The following LAG3 variants were observed in gnomAD, a reference collection of about 807,000 sequenced individuals.
LAG3 encodes lymphocyte activating 3.
Under a neutral mutation model 49.0 loss-of-function variants are expected in LAG3, and 29 were observed. The observed-to-expected ratio is 0.59, with a 90% CI of 0.44 to 0.81. The LOEUF (loss-of-function observed/expected upper bound fraction) is 0.81, where lower values mean the gene tolerates loss of function less well. Ranked by LOEUF, LAG3 falls within the 30% of genes least tolerant of loss-of-function variation. The pLI is 0.00. For synonymous variants in LAG3, 320 were observed against 297.3 expected, an observed-to-expected ratio of 1.08 and a Z score of -0.79; for missense variants, 693 against 695.2, an observed-to-expected ratio of 1.00 and a Z score of 0.04.
Position 6,774,711 on chromosome 12 carries a change from C to T in LAG3, c.628C>T (p.Arg210Ter), listed in dbSNP as rs1206912596. The change falls in exon 4 of 8, where the codon CGA becomes TGA. Residue 210 changes from arginine (R) to a stop codon, truncating the protein, a stop_gained. Coordinates refer to ENST00000203629, the MANE Select transcript of LAG3 (RefSeq NM_002286.6). LOFTEE classifies it high-confidence loss of function. Reference sequence around the variant, plus strand: ...TTGGTTCCGGAACCGGGGCCAGGGCCGAGTCCCTGTCCGGGAGTCCCCCCA... The same window carrying T: ...TTGGTTCCGGAACCGGGGCCAGGGCTGAGTCCCTGTCCGGGAGTCCCCCCA... ...VHWFRNRGQG[R>*]VPVRESPHHH... The T allele has an allele frequency of 2.5e-6, 4 of 1,614,170 alleles. No individual in the cohort carries two copies. Among genetic ancestry groups the T allele is most frequent in the East Asian group, 2.2e-5 (1 of 44,882 alleles).
rs145792359 is a variant in LAG3 at position 6,775,315 on chromosome 12, G to A, written c.824G>A (p.Gly275Asp). The A allele has an allele frequency of 2.4e-5, 38 of 1,614,060 alleles. No individual in the cohort carries two copies. The highest frequency in any genetic ancestry group is 3.1e-5 in the Non-Finnish European group (36 of 1,180,036). Reference protein sequence around the residue: ...PTPLTVYAGAGSRVGLPCRLP... With the variant: ...PTPLTVYAGADSRVGLPCRLP... The stretch of plus-strand genomic sequence containing the variant: ...CCCTTGACAGTGTACGCTGGAGCAG[G>A]TTCCAGGGTGGGGCTGCCCTGCCGC... The change falls in exon 5 of 8, where the codon GGT becomes GAT. Residue 275 changes from glycine to aspartate, a missense_variant. Transcript: ENST00000203629.
At chr12:6,774,126 T>G (rs1592495774) in intron 3 of LAG3, 125 bp downstream of exon 3, 1 of 1,304,404 alleles carries the variant, frequency 7.7e-7, no homozygotes. Context: ...CCCAGAAGAG[T>G]AGAGGAAGGG....
In LAG3 at chr12:6,774,875, C is replaced by T. The variant is rs552154149; in HGVS notation, c.781+11C>T. ...ACCTCACTGTTCTGGGTAACTCCCC[C>T]ACTCTGCTTCACATTTGACCACAAC... On this transcript the variant is annotated intron_variant, in intron 4 of 7. Coordinates refer to ENST00000203629, the MANE Select transcript of LAG3 (RefSeq NM_002286.6). The T allele has an allele frequency of 1.2e-6, 2 of 1,602,450 alleles. No homozygotes were observed. The highest frequency in any genetic ancestry group is 1.7e-5 in the Admixed American group (1 of 59,368).
In LAG3 at chr12:6,773,014, C is replaced by A; in HGVS notation, c.58+104C>A. ...CCTGAGGTCCTTAGCTCTGTGGATT[C>A]TTCTAATCCCTTTTTTGGGCAGTCC... On this transcript the variant is annotated intron_variant, in intron 1 of 7. Coordinates refer to ENST00000203629, the MANE Select transcript of LAG3 (RefSeq NM_002286.6). This position sits in a 1 kb window ranked among gnomAD's most constrained non-coding sequence, Gnocchi z 5.5. 7.2e-7 allele frequency: 1 copy of A among 1,397,126 alleles called. No homozygotes were observed. Among genetic ancestry groups the A allele is most frequent in the Non-Finnish European group, 1.0e-6 (1 of 996,654 alleles). The allele number at this position is 1,397,126 out of a possible 1,614,324, so 86.5% of individuals were successfully genotyped here. A position where few individuals can be genotyped will look rare whatever the true frequency, so the allele number is the denominator to read the frequency against.
At chr12:6,775,208 C>A in intron 4 of LAG3, 65 bp from the exon 5 acceptor site, 2 of 1,519,516 alleles carry the variant, frequency 1.3e-6, no homozygotes, top group Non-Finnish European at 1.8e-6. Context: ...CCCTTCCTTG[C>A]AGCCCCAGCA....
At chr12:6,775,739 T>C (rs1261221091) in intron 5 of LAG3, 191 bp downstream of exon 5, 6 of 603,052 alleles carry the variant, frequency 9.9e-6, no homozygotes, top group South Asian at 2.1e-5. Context: ...GAAAATCTCC[T>C]CTTGAGTCAC....
chr12:6,777,542 C>T (rs1941920741), intron 6 of LAG3, 36 bp downstream of exon 6: 1 of 1,603,608 alleles, frequency 6.2e-7, no homozygotes, highest in Non-Finnish European at 8.5e-7. Flanking sequence ...CCAAACGCCA[C>T]AGCAATAATC....
chr12:6,775,487 C>T lies in LAG3; in HGVS notation c.996C>T (p.Thr332=). The T allele has an allele frequency of 1.2e-6, 2 of 1,614,250 alleles. No individual in the cohort carries two copies. Among genetic ancestry groups the T allele is most frequent in the Middle Eastern group, 1.6e-4 (1 of 6,062 alleles). The change falls in exon 5 of 8, where the codon ACC becomes ACT. Residue 332 remains threonine (T), a synonymous_variant. Coordinates refer to ENST00000203629, the MANE Select transcript of LAG3 (RefSeq NM_002286.6). ...DVSQAQAGTY[T]CHIHLQEQQL... is the part of the protein sequence containing the mutation. ...GCCAGGCCCAGGCTGGGACCTACAC[C>T]TGCCATATCCATCTGCAGGAACAGC...
chr12:6,777,899 G>A lies in LAG3; in HGVS notation c.1409G>A (p.Gly470Asp). Residue 470 changes from glycine to aspartate, a missense_variant, in exon 7 of 8, where the codon GGC becomes GAC. By Grantham distance (94) the Gly-to-Asp change is moderately conservative (BLOSUM62 -1). Transcript: ENST00000203629. ...CTCCTTTTGGTGACTGGAGCCTTTGGCTTTCACCTTTGGAGAAGACAGGTG... is the reference window on the plus strand; with the variant it reads ...CTCCTTTTGGTGACTGGAGCCTTTGACTTTCACCTTTGGAGAAGACAGGTG... Reference protein sequence around the residue: ...SLLLLVTGAFGFHLWRRQWRP... With the variant: ...SLLLLVTGAFDFHLWRRQWRP... The A allele has an allele frequency of 6.2e-7, 1 of 1,613,680 alleles. No homozygotes were observed. Among genetic ancestry groups the A allele is most frequent in the South Asian group, 1.1e-5 (1 of 91,082 alleles).
chr12:6,776,960 G>A (rs1036843466), intron 5 of LAG3, among the ~76,000 whole-genome samples: 13 of 152,170 alleles, frequency 8.5e-5, no homozygotes, highest in South Asian at 2.1e-4. Context: ...AAATGTGGCC[G>A]GCAGGGCATG....
rs200142776 is a variant in LAG3 at position 6,774,747 on chromosome 12, G to T, written c.664G>T (p.Ala222Ser). 717 of 1,614,142 alleles carry T rather than the reference G, an allele frequency of 4.4e-4. No individual in the cohort carries two copies. The highest frequency in any genetic ancestry group is 5.4e-4 in the Non-Finnish European group (643 of 1,180,022). The change falls in exon 4 of 8, where the codon GCG becomes TCG. Residue 222 changes from alanine to serine, a missense_variant. Coordinates refer to ENST00000203629, the MANE Select transcript of LAG3 (RefSeq NM_002286.6). ...CCGGGAGTCCCCCCATCACCACTTA[G>T]CGGAAAGCTTCCTCTTCCTGCCCCA... ...PVRESPHHHL[A>S]ESFLFLPQVS...
chr12:6,777,559 C>G (rs569903123), intron 6 of LAG3, 53 bp downstream of exon 6: 20 of 1,589,022 alleles, frequency 1.3e-5, no homozygotes, highest in Non-Finnish European at 1.7e-5. Context: ...AATCTTTATC[C>G]TCCTTCCAGA....
Position 6,773,635 on chromosome 12 carries a change from C to T in LAG3, c.207-62C>T. On this transcript the variant is annotated intron_variant, in intron 2 of 7. Transcript: ENST00000203629. The surrounding 1 kb of genome is among the most constrained non-coding windows in gnomAD (Gnocchi z 5.5). ...CTTTCTCATCCTCAACGGGTGGCTG[C>T]CTGCATCCTCCCGGGCTTCCTACCC... 1 of 1,335,212 alleles carries T rather than the reference C, an allele frequency of 7.5e-7. No individual in the cohort carries two copies. The highest frequency in any genetic ancestry group is 9.5e-7 in the Non-Finnish European group (1 of 1,050,068). The allele number at this position is 1,335,212 out of a possible 1,614,324, so 82.7% of individuals were successfully genotyped here. A position where few individuals can be genotyped will look rare whatever the true frequency, so the allele number is the denominator to read the frequency against.
chr12:6,775,123 G>A, intron 4 of LAG3, 150 bp from the exon 5 acceptor site: 2 of 997,706 alleles, frequency 2.0e-6, no homozygotes, highest in Non-Finnish European at 3.0e-6. Context: ...GGGTTTCTGA[G>A]CCTCCTCAGC....
chr12:6,775,495 T>C lies in LAG3; in HGVS notation c.1004T>C (p.Ile335Thr). Residue 335 changes from isoleucine to threonine, a missense_variant, in exon 5 of 8, where the codon ATC becomes ACC. Coordinates refer to ENST00000203629, the MANE Select transcript of LAG3 (RefSeq NM_002286.6). ...QAQAGTYTCH[I>T]HLQEQQLNAT... is the part of the protein sequence containing the mutation. ...CAGGCTGGGACCTACACCTGCCATA[T>C]CCATCTGCAGGAACAGCAGCTCAAT... 6.2e-7 allele frequency: 1 copy of C among 1,614,122 alleles called. No homozygotes were observed. Among genetic ancestry groups the C allele is most frequent in the Non-Finnish European group, 8.5e-7 (1 of 1,180,002 alleles).
In LAG3 at chr12:6,773,318, C is replaced by T. The variant is rs1941864223; in HGVS notation, c.185C>T (p.Thr62Ile). Residue 62 changes from threonine to isoleucine, a missense_variant, in exon 2 of 8, where the codon ACT (threonine) becomes ATT (isoleucine). Physicochemically the swap from Thr to Ile is moderately conservative, Grantham distance 89. Transcript: ENST00000203629. The surrounding 1 kb of genome is among the most constrained non-coding windows in gnomAD (Gnocchi z 5.5). Reference protein sequence around the residue: ...DLSLLRRAGVTWQHQPDSGPP... With the variant: ...DLSLLRRAGVIWQHQPDSGPP... ...AGCCTTCTGCGAAGAGCAGGGGTCACTTGGCAGCATCAGCCAGACAGGTAT... is the reference window on the plus strand; with the variant it reads ...AGCCTTCTGCGAAGAGCAGGGGTCATTTGGCAGCATCAGCCAGACAGGTAT... 6 of 1,613,772 alleles carry T rather than the reference C, an allele frequency of 3.7e-6. No homozygotes were observed. Among genetic ancestry groups the T allele is most frequent in the Non-Finnish European group, 5.1e-6 (6 of 1,179,944 alleles).
rs1168998080 is a variant in LAG3, at chr12:6,773,703, G to T, written c.213G>T (p.Pro71=). The T allele has an allele frequency of 1.5e-5, 20 of 1,351,388 alleles. No homozygotes were observed. Among genetic ancestry groups the T allele is most frequent in the Admixed American group, 6.7e-5 (2 of 29,824 alleles). 83.7% of individuals were successfully genotyped at this position (1,351,388 alleles called of 1,614,324 possible). A position where few individuals can be genotyped will look rare whatever the true frequency, so the allele number is the denominator to read the frequency against. Residue 71 remains proline (P), a synonymous_variant, in exon 3 of 8, where the codon CCG becomes CCT. Transcript: ENST00000203629. This position sits in a 1 kb window ranked among gnomAD's most constrained non-coding sequence, Gnocchi z 5.5. ...VTWQHQPDSG[P]PAAAPGHPLA... ...CATTCTCTTTCCCGCCCAGTGGCCC[G>T]CCCGCTGCCGCCCCCGGCCATCCCC...
chr12:6,772,938 C>T, intron 1 of LAG3, 28 bp downstream of exon 1: 1 of 1,610,574 alleles, frequency 6.2e-7, no homozygotes, highest in Non-Finnish European at 8.5e-7. Context: ...GGAGGGTTGA[C>T]CTCCAGCCCC....
At position 6,776,101 on chromosome 12, in the gene LAG3, CG is replaced by C. The variant is rs1565482413; in HGVS notation, c.1057+555del. The stretch of plus-strand genomic sequence containing the variant: ...TAGCCATGTCTGCAGCACGCACCTG[CG>C]GCCACTCAGTAGTAGCACCCCACGG... On this transcript the variant is annotated intron_variant, in intron 5 of 7. Transcript: ENST00000203629. Among the ~76,000 whole-genome samples, 3 of 152,324 alleles carry C rather than the reference CG, an allele frequency of 2.0e-5. No homozygotes were observed. The East Asian group carries it at 5.8e-4, about 29-fold the overall frequency.
Sources: gnomAD v4.1 joint callset for allele counts (sites outside exome capture counted in the v4.1 genomes callset) on GRCh38, gnomAD v4.1.1 for gene constraint, Gnocchi (gnomAD v3.1) non-coding constraint, MANE v1.5 for transcripts, NCBI Gene and HGNC (gene_info 2026-07-23, HGNC 2026-07-21) for gene names.